Variants in SEMA6D observed in about 807,000 individuals in gnomAD.
The protein encoded by SEMA6D is semaphorin 6D.
Under a neutral mutation model 106.6 loss-of-function variants are expected in SEMA6D, and 35 were observed. The observed-to-expected ratio is 0.33, with a 90% CI of 0.25 to 0.44. The LOEUF is 0.44. SEMA6D is among the 20% of genes least tolerant of loss of function. The pLI is 1.00. For missense variants in SEMA6D, 1,185 were observed against 1,345.9 expected (o/e 0.88, Z 1.87); for synonymous variants, 499 against 487.7 (o/e 1.02, Z -0.31).
intron 2 of SEMA6D, among the ~76,000 whole-genome samples, chr15:47,459,281 C>T (rs2042430450): frequency 6.6e-6 from 1 of 152,016 alleles, no homozygotes; most frequent in Non-Finnish European, 1.5e-5. Context: ...CTTCAGACAA[C>T]AGCCTGTAGA....
chr15:47,606,215 ATGGC>A (rs2076778748), intron 4 of SEMA6D: 1 of 152,212 alleles, frequency 6.6e-6, no homozygotes, highest in Non-Finnish European at 1.5e-5. Flanking sequence ...ATAACCCTAA[ATGGC>A]ATCCCTCCTC....
intron 4 of SEMA6D, among the ~76,000 whole-genome samples, chr15:47,638,346 A>G (rs545482384): frequency 6.6e-6 from 1 of 152,294 alleles, no homozygotes; most frequent in South Asian, 2.1e-4. Flanking sequence ...TTCCAATGAC[A>G]AGCACGGTAA....
intron 18 of SEMA6D, among the ~76,000 whole-genome samples, chr15:47,770,142 A>G (rs935643146): frequency 6.6e-6 from 1 of 152,232 alleles, no homozygotes; most frequent in African/African-American, 2.4e-5. Flanking sequence ...GAGACAAAAC[A>G]TATGAGTTTA....
intron 1 of SEMA6D, among the ~76,000 whole-genome samples, chr15:47,187,347 A>G (rs961767527): frequency 2.6e-5 from 4 of 152,170 alleles, no homozygotes; most frequent in African/African-American, 4.8e-5. Context: ...TTTTGAACCA[A>G]TCTCAAGATT....
intron 3 of SEMA6D, among the ~76,000 whole-genome samples, chr15:47,571,870 A>ACAT (rs2046394110): frequency 1.3e-5 from 2 of 152,294 alleles, no homozygotes; most frequent in South Asian, 4.1e-4. Flanking sequence ...TACATCCTTT[A>ACAT]GTTCATCATT....
intron 2 of SEMA6D, among the ~76,000 whole-genome samples, chr15:47,451,152 T>G (rs1417858864): frequency 6.6e-6 from 1 of 152,056 alleles, no homozygotes; most frequent in Non-Finnish European, 1.5e-5. Flanking sequence ...ATCTACCTGG[T>G]TTGTCCAGTG....
intron 1 of SEMA6D, among the ~76,000 whole-genome samples, chr15:47,283,591 G>A (rs146603501): frequency 1.3e-5 from 2 of 152,180 alleles, no homozygotes; most frequent in East Asian, 1.9e-4. Flanking sequence ...GAGACTTTTC[G>A]ACTTCAGAAA....
chr15:47,644,203 C>G (rs529056188), intron 4 of SEMA6D, among the ~76,000 whole-genome samples: 1 of 152,212 alleles, frequency 6.6e-6, no homozygotes, highest in South Asian at 2.1e-4. Flanking sequence ...CTTCAAATAT[C>G]ATGTAATTTA....
chr15:47,749,347 C>G (rs182123484), intron 1 of SEMA6D, among the ~76,000 whole-genome samples: 128 of 152,200 alleles, frequency 8.4e-4, no homozygotes, highest in African/African-American at 3.0e-3. Flanking sequence ...TCCCAGATTG[C>G]TGGGATTACA....
chr15:47,741,808 G>A lies in SEMA6D; in HGVS notation c.-54-17937G>A, dbSNP rs1259674252. Among the ~76,000 whole-genome samples the A allele has an allele frequency of 2.0e-5, 3 of 152,212 alleles. No individual in the cohort carries two copies. In the East Asian group the frequency reaches 5.8e-4, roughly 29 times the overall value. ...GACATGTGAAATATTTTCTATTTGG[G>A]CCTGGGAAGTTATTTCTACCAATAA... On this transcript the variant is annotated intron_variant, in intron 1 of 18. Transcript: ENST00000536845.
chr15:47,724,577 T>TG (rs950338839), intron 1 of SEMA6D, among the ~76,000 whole-genome samples: 5 of 136,588 alleles, frequency 3.7e-5, no homozygotes, highest in African/African-American at 1.1e-4. Flanking sequence ...TGAGGGGTGG[T>TG]GGGGGAGGTG....
At chr15:47,730,613 T>C (rs781649107) in intron 1 of SEMA6D, 1 of 1,571,174 alleles carries the variant, frequency 6.4e-7, no homozygotes, top group Non-Finnish European at 8.7e-7. Context: ...TCTCTGCTTC[T>C]TCTCTTGCTT....
intron 4 of SEMA6D, among the ~76,000 whole-genome samples, chr15:47,616,687 G>A (rs2077014072): frequency 6.6e-6 from 1 of 152,056 alleles, no homozygotes; most frequent in Admixed American, 6.5e-5. Context: ...CAGAATTTGT[G>A]TGTACTTTCT....
upstream of SEMA6D, among the ~76,000 whole-genome samples, chr15:47,714,954 G>A (rs779005175): frequency 5.3e-5 from 8 of 152,198 alleles, no homozygotes; most frequent in Non-Finnish European, 1.0e-4. Flanking sequence ...AAGGAGTGTC[G>A]AGTGGGGAAG....
intron 2 of SEMA6D, among the ~76,000 whole-genome samples, chr15:47,423,458 G>A (rs963600997): frequency 6.6e-6 from 1 of 151,974 alleles, no homozygotes; most frequent in African/African-American, 2.4e-5. Flanking sequence ...GCTTTCTTAA[G>A]TCAAAGCTTA....
chr15:47,543,449 C>T (rs1179284885), intron 3 of SEMA6D, among the ~76,000 whole-genome samples: 1 of 152,116 alleles, frequency 6.6e-6, no homozygotes, highest in African/African-American at 2.4e-5. Flanking sequence ...TAAGATGTGA[C>T]TTTGCTCCTC....
chr15:47,487,238 C>T (rs2043323364), intron 3 of SEMA6D, among the ~76,000 whole-genome samples: 1 of 152,138 alleles, frequency 6.6e-6, no homozygotes, highest in Admixed American at 6.5e-5. Context: ...TCGGCATCCC[C>T]ATAAGAACCT....
intron 1 of SEMA6D, among the ~76,000 whole-genome samples, chr15:47,749,769 T>C (rs1230517115): frequency 1.3e-5 from 2 of 151,954 alleles, no homozygotes; most frequent in African/African-American, 4.8e-5. Context: ...AGTGAATTGG[T>C]GGTAGTGAAG....
chr15:47,218,306 C>T (rs528817785), intron 1 of SEMA6D, among the ~76,000 whole-genome samples: 1 of 152,260 alleles, frequency 6.6e-6, no homozygotes, highest in South Asian at 2.1e-4. Flanking sequence ...AACACCTCTT[C>T]TCCTGGTCTT....
Sources: gnomAD v4.1 joint callset for allele counts (sites outside exome capture counted in the v4.1 genomes callset) on GRCh38, gnomAD v4.1.1 for gene constraint, MANE v1.5 for transcripts, NCBI Gene and HGNC (gene_info 2026-07-23, HGNC 2026-07-21) for gene names.